DST: variants seen among roughly 807,000 people sequenced by gnomAD.
DST encodes bullous pemphigoid antigen.
Under a neutral mutation model 875.2 loss-of-function variants are expected in DST, and 253 were observed. The observed-to-expected ratio is 0.29, with a 90% confidence interval of 0.26 to 0.32. The LOEUF (loss-of-function observed/expected upper bound fraction) is 0.32. Ranked by LOEUF, DST falls within the 10% of genes least tolerant of loss-of-function variation. The pLI is 1.00. For missense variants in DST, 8,287 were observed against 9,111.6 expected (o/e 0.91, Z 3.68); for synonymous variants, 3,124 against 3,197.1 (o/e 0.98, Z 0.77).
intron 3 of DST, among the ~76,000 whole-genome samples, chr6:56,861,564 G>C (rs762642860): frequency 6.6e-6 from 1 of 152,126 alleles, no homozygotes; most frequent in Non-Finnish European, 1.5e-5. Flanking sequence ...GATCCATCTG[G>C]AACAACTGTG....
intron 55 of DST, among the ~76,000 whole-genome samples, chr6:56,564,665 C>T (rs28759439): frequency 0.38 from 58,092 of 151,984 alleles, 11,462 homozygotes; most frequent in Admixed American, 0.43. Flanking sequence ...TCAAAGGGAA[C>T]GCTTCCAGCT....
rs780953127 is a variant in DST at position 56,608,703 on chromosome 6, T to C, written c.5925A>G (p.Glu1975=). The C allele has an allele frequency of 3.3e-5, 54 of 1,612,366 alleles. No homozygotes were observed. The highest frequency in any genetic ancestry group is 2.1e-4 in the African/African-American group (16 of 74,914). ...ACATGGTTTCACGGTCTATGAGACC[T>C]TCATGAGCTGCTCTTAAAATGCTTA... is the stretch of plus-strand genomic sequence containing the variant. ...RNISILRAAH[E]GLIDRETMFR... Residue 1975 remains glutamate (E), a synonymous_variant, in exon 40 of 104, where the codon GAA becomes GAG. Coordinates refer to ENST00000680361, the MANE Select transcript of DST (RefSeq NM_001374736.1).
At chr6:56,914,205 TA>T (rs1799905927) in intron 2 of DST, among the ~76,000 whole-genome samples, 1 of 152,238 alleles carries the variant, frequency 6.6e-6, no homozygotes, top group Non-Finnish European at 1.5e-5. Flanking sequence ...GCATCCATAT[TA>T]AGTATGGAAC....
chr6:56,685,907 G>A (rs2099182848), intron 9 of DST, among the ~76,000 whole-genome samples: 1 of 152,150 alleles, frequency 6.6e-6, no homozygotes, highest in African/African-American at 2.4e-5. Flanking sequence ...ACTAAAAGCA[G>A]AACTATCATT....
At chr6:56,743,753 C>T (rs1043534457) in intron 4 of DST, among the ~76,000 whole-genome samples, 3 of 152,138 alleles carry the variant, frequency 2.0e-5, no homozygotes, top group African/African-American at 4.8e-5. Context: ...CCCAGGATCA[C>T]AAAGCTACCA....
chr6:56,555,221 T>C, intron 60 of DST, 124 bp downstream of exon 60: 1 of 1,043,928 alleles, frequency 9.6e-7, no homozygotes, highest in Non-Finnish European at 1.4e-6. Flanking sequence ...ATCCTCCTCT[T>C]CACTGATGTT....
rs370820734 is a variant in DST at position 56,463,667 on chromosome 6, G to C, written c.22857C>G (p.Ser7619=). 4.6e-5 allele frequency: 75 copies of C among 1,613,848 alleles called. No individual in the cohort carries two copies. Among genetic ancestry groups the C allele is most frequent in the Non-Finnish European group, 1.4e-5 (16 of 1,179,898 alleles). The part of the protein sequence containing the change: ...MAAFRPRGRR[S]RPSSRGASPN... The stretch of plus-strand genomic sequence containing the variant: ...GTGAAGCGCCTCGTGATGATGGCCG[G>C]GATCTTCGGCCTCGGGGTCGGAAAG... The change falls in exon 101 of 104, where the codon TCC becomes TCG. Residue 7619 remains serine, a synonymous_variant. Coordinates refer to ENST00000680361, the MANE Select transcript of DST (RefSeq NM_001374736.1).
rs2127689056 is a variant in DST, at chr6:56,900,426, T to C, written c.412A>G (p.Arg138Gly). The C allele has an allele frequency of 7.3e-7, 1 of 1,367,476 alleles. No individual in the cohort carries two copies. Among genetic ancestry groups the C allele is most frequent in the East Asian group, 4.5e-5 (1 of 21,986 alleles). 84.7% of individuals were successfully genotyped at this position (1,367,476 alleles called of 1,614,324 possible). A position where few individuals can be genotyped will look rare whatever the true frequency, so the allele number is the denominator to read the frequency against. ...YHSVQGASIR[R>G]PSSGNASYRC... ...AAAGACAGTTCTCTACTTACAGGCCTCCTGATTGAAGCACCTTGAACAGAG... is the reference window on the plus strand; with the variant it reads ...AAAGACAGTTCTCTACTTACAGGCCCCCTGATTGAAGCACCTTGAACAGAG... Residue 138 changes from arginine to glycine, a missense_variant, in exon 3 of 104, where the codon AGG becomes GGG. Physicochemically the swap from Arg to Gly is moderately radical, Grantham distance 125. Transcript: ENST00000680361.
intron 4 of DST, among the ~76,000 whole-genome samples, chr6:56,816,880 G>A (rs970030768): frequency 1.3e-5 from 2 of 149,230 alleles, no homozygotes; most frequent in Non-Finnish European, 3.0e-5. Flanking sequence ...AGTACAGCTT[G>A]TTAGCAATAA....
At chr6:56,496,078 A>G (rs2095890961) in intron 82 of DST, among the ~76,000 whole-genome samples, 1 of 152,198 alleles carries the variant, frequency 6.6e-6, no homozygotes, top group African/African-American at 2.4e-5. Context: ...CAAGATAATA[A>G]TCATCAGTAT....
At chr6:56,759,988 A>T (rs1271704328) in intron 4 of DST, among the ~76,000 whole-genome samples, 1 of 152,230 alleles carries the variant, frequency 6.6e-6, no homozygotes, top group Non-Finnish European at 1.5e-5. Context: ...TTTTTAAATT[A>T]ACAAATAATA....
chr6:56,667,258 T>G (rs1292195252), intron 10 of DST, among the ~76,000 whole-genome samples: 1 of 152,222 alleles, frequency 6.6e-6, no homozygotes, highest in Non-Finnish European at 1.5e-5. Context: ...ACCAAAAAAT[T>G]TGCTCATGGT....
intron 77 of DST, 130 bp from the exon 78 acceptor site, chr6:56,504,228 T>A (rs2096240467): frequency 1.6e-6 from 1 of 641,706 alleles, no homozygotes. Context: ...TTATAAAAAA[T>A]TAACATGGTT....
chr6:56,523,545 T>C (rs1011243408), intron 69 of DST, among the ~76,000 whole-genome samples: 1 of 152,174 alleles, frequency 6.6e-6, no homozygotes, highest in African/African-American at 2.4e-5. Context: ...CATTCTGCGA[T>C]TGTGGCTTGA....
At position 56,469,973 on chromosome 6, in the gene DST, A is replaced by G; in HGVS notation, c.22477-16T>C. On this transcript the variant is annotated splice_polypyrimidine_tract_variant and intron_variant, in intron 96 of 103. Coordinates refer to ENST00000680361, the MANE Select transcript of DST (RefSeq NM_001374736.1). Reference sequence around the variant, plus strand: ...GCCTTGTCACCTGCCAAAAACAATGATGAAATATTTACTTTAATGTCAATA... The same window carrying G: ...GCCTTGTCACCTGCCAAAAACAATGGTGAAATATTTACTTTAATGTCAATA... 6.2e-7 allele frequency: 1 copy of G among 1,612,938 alleles called. No homozygotes were observed. Among genetic ancestry groups the G allele is most frequent in the Non-Finnish European group, 8.5e-7 (1 of 1,179,006 alleles).
Position 56,672,768 on chromosome 6 carries a change from T to C in DST, c.1048-1961A>G, listed in dbSNP as rs188587757. 5.3e-5 allele frequency among the ~76,000 whole-genome samples: 8 copies of C among 152,246 alleles called. No homozygotes were observed. In the East Asian group the frequency reaches 1.5e-3, roughly 29 times the overall value. On this transcript the variant is annotated intron_variant, in intron 9 of 103. Coordinates refer to ENST00000680361, the MANE Select transcript of DST (RefSeq NM_001374736.1). ...ATAGTCCGCAAATGCATAATACAGATGAGCTATGTTATTGTTGTAGTTATT... is the reference window on the plus strand; with the variant it reads ...ATAGTCCGCAAATGCATAATACAGACGAGCTATGTTATTGTTGTAGTTATT...
intron 9 of DST, among the ~76,000 whole-genome samples, chr6:56,682,104 T>C (rs1016097248): frequency 6.6e-6 from 1 of 152,212 alleles, no homozygotes; most frequent in Non-Finnish European, 1.5e-5. Context: ...TAAAACATCT[T>C]ATGTCATAAA....
chr6:56,630,652 T>C (rs2152758298), intron 30 of DST, among the ~76,000 whole-genome samples: 1 of 152,332 alleles, frequency 6.6e-6, no homozygotes, highest in African/African-American at 2.4e-5. Flanking sequence ...AGATGAAAAT[T>C]CATTGGCTAC....
chr6:56,771,136 C>A (rs982224672), intron 4 of DST, among the ~76,000 whole-genome samples: 1 of 151,692 alleles, frequency 6.6e-6, no homozygotes, highest in African/African-American at 2.4e-5. Context: ...GCTACCACAT[C>A]CCAAAATAAT....
Sources: allele counts gnomAD v4.1 joint callset (sites outside exome capture counted in the v4.1 genomes callset), GRCh38; gene constraint gnomAD v4.1.1; transcripts MANE v1.5; gene names NCBI Gene and HGNC (gene_info 2026-07-23, HGNC 2026-07-21).